Variants in INSYN2B observed in about 807,000 individuals in gnomAD.
INSYN2B encodes the protein inhibitory synaptic factor family member 2B, also known as protein INSYN2B.
In INSYN2B, 16 loss-of-function variants were observed where a neutral mutation model predicts 41.2. The observed-to-expected ratio is 0.39, with a 90% confidence interval of 0.26 to 0.59. The LOEUF (loss-of-function observed/expected upper bound fraction) is 0.59, where lower values mean the gene tolerates loss of function less well. Ranked by LOEUF, INSYN2B falls within the 20% of genes least tolerant of loss-of-function variation. The pLI is 0.57. For synonymous variants in INSYN2B, 245 were observed against 244.4 expected (o/e 1.00, Z -0.02); for missense variants, 608 against 646.4 (o/e 0.94, Z 0.64).
chr5:169,969,705 G>A (rs1229461571), intron 1 of INSYN2B, among the ~76,000 whole-genome samples: 2 of 152,080 alleles, frequency 1.3e-5, no homozygotes, highest in Non-Finnish European at 2.9e-5. Flanking sequence ...AGAACTAGGT[G>A]GGGTGACCAA....
intron 1 of INSYN2B, among the ~76,000 whole-genome samples, chr5:169,932,865 T>TAA (rs34887864): frequency 6.1e-4 from 92 of 151,140 alleles, no homozygotes; most frequent in Non-Finnish European, 1.1e-3. Context: ...CAGGGCCAAA[T>TAA]AAAAAAAAAT....
intron 1 of INSYN2B, among the ~76,000 whole-genome samples, chr5:169,927,174 C>T (rs1410443904): frequency 4.0e-5 from 6 of 149,410 alleles, no homozygotes; most frequent in Admixed American, 2.7e-4. Context: ...AGATCTCGGC[C>T]CTTTCCAGGA....
intron 1 of INSYN2B, among the ~76,000 whole-genome samples, chr5:169,919,528 C>T (rs1367012424): frequency 1.3e-5 from 2 of 152,196 alleles, no homozygotes; most frequent in Non-Finnish European, 2.9e-5. Context: ...TTTGTTTTGA[C>T]CTTAATTCTC....
chr5:169,980,450 A>G lies in INSYN2B; in HGVS notation c.-1092T>C, dbSNP rs1777900215. The G allele has an allele frequency of 6.6e-6, 1 of 152,206 alleles. No individual in the cohort carries two copies. The highest frequency in any genetic ancestry group is 1.5e-5 in the Non-Finnish European group (1 of 68,042). 9.4% of individuals were successfully genotyped at this position (152,206 alleles called of 1,614,324 possible). A position where few individuals can be genotyped will look rare whatever the true frequency, so the allele number is the denominator to read the frequency against. On this transcript the variant is annotated 5_prime_UTR_variant, in exon 1 of 4. Transcript: ENST00000377365. ...GGTCTGCTCACGTAGGAATAAATAA[A>G]AAGCCGAACAAACTGCTCGGCAGCT...
At chr5:169,867,729 AC>A (rs1208505907) in intron 3 of INSYN2B, among the ~76,000 whole-genome samples, 2 of 152,118 alleles carry the variant, frequency 1.3e-5, no homozygotes, top group Non-Finnish European at 2.9e-5. Flanking sequence ...TATAATCATA[AC>A]ATCACAGTCT....
chr5:169,899,126 T>C (rs1289252525), intron 1 of INSYN2B, among the ~76,000 whole-genome samples: 2 of 152,208 alleles, frequency 1.3e-5, no homozygotes, highest in African/African-American at 2.4e-5. Context: ...AGAAGAGATA[T>C]TAGACATGGT....
At chr5:169,939,188 G>T (rs1319841608) in intron 1 of INSYN2B, among the ~76,000 whole-genome samples, 1 of 150,584 alleles carries the variant, frequency 6.6e-6, no homozygotes, top group Non-Finnish European at 1.5e-5. Flanking sequence ...ACAGGCGTGA[G>T]CCACTGTGCC....
At chr5:169,929,130 T>C (rs1229507704) in intron 1 of INSYN2B, among the ~76,000 whole-genome samples, 3 of 152,312 alleles carry the variant, frequency 2.0e-5, no homozygotes, top group South Asian at 2.1e-4. Flanking sequence ...AGAGTGCCTA[T>C]GCAGGAAGCC....
At chr5:169,956,081 G>A (rs944844151) in intron 1 of INSYN2B, among the ~76,000 whole-genome samples, 10 of 151,914 alleles carry the variant, frequency 6.6e-5, no homozygotes, top group African/African-American at 2.4e-4. Flanking sequence ...CTGGAGTCTG[G>A]GTTATCTTCC....
At chr5:169,968,906 T>C (rs576008443) in intron 1 of INSYN2B, among the ~76,000 whole-genome samples, 1 of 152,282 alleles carries the variant, frequency 6.6e-6, no homozygotes, top group African/African-American at 2.4e-5. Context: ...TTATGCATTT[T>C]AGGAGGCCAA....
At chr5:169,962,269 G>A (rs1183959980) in intron 1 of INSYN2B, among the ~76,000 whole-genome samples, 1 of 152,148 alleles carries the variant, frequency 6.6e-6, no homozygotes, top group East Asian at 1.9e-4. Flanking sequence ...GACTGACCTG[G>A]GGTGGAGAGA....
intron 3 of INSYN2B, among the ~76,000 whole-genome samples, chr5:169,873,389 A>T (rs1772109323): frequency 6.6e-6 from 1 of 152,220 alleles, no homozygotes; most frequent in African/African-American, 2.4e-5. Flanking sequence ...TGTTTTGGAG[A>T]TGCTCGAGGG....
At chr5:169,979,348 A>G (rs1309727974) in intron 1 of INSYN2B, among the ~76,000 whole-genome samples, 1 of 152,352 alleles carries the variant, frequency 6.6e-6, no homozygotes, top group Admixed American at 6.5e-5. Context: ...GTGGATATGG[A>G]AGTAAGGTCT....
chr5:169,900,904 A>G (rs1773885841), intron 1 of INSYN2B, among the ~76,000 whole-genome samples: 1 of 152,210 alleles, frequency 6.6e-6, no homozygotes, highest in South Asian at 2.1e-4. Flanking sequence ...AGTTCACCAT[A>G]TATCTAGAAC....
intron 1 of INSYN2B, among the ~76,000 whole-genome samples, chr5:169,964,246 C>G (rs1777206892): frequency 6.6e-6 from 1 of 152,154 alleles, no homozygotes; most frequent in African/African-American, 2.4e-5. Flanking sequence ...TTTTCTTAGC[C>G]TGGAGTTCAG....
At chr5:169,895,728 A>G (rs1773558116) in intron 1 of INSYN2B, among the ~76,000 whole-genome samples, 1 of 152,068 alleles carries the variant, frequency 6.6e-6, no homozygotes, top group Non-Finnish European at 1.5e-5. Flanking sequence ...TCTTACAAAG[A>G]GTTATTCATG....
intron 1 of INSYN2B, among the ~76,000 whole-genome samples, chr5:169,924,207 G>C (rs1775321792): frequency 6.6e-6 from 1 of 152,158 alleles, no homozygotes; most frequent in African/African-American, 2.4e-5. Context: ...TTGGTACTGG[G>C]TTGAGTTACA....
At chr5:169,879,102 C>T (rs543712495) in intron 3 of INSYN2B, among the ~76,000 whole-genome samples, 3 of 152,294 alleles carry the variant, frequency 2.0e-5, no homozygotes, top group South Asian at 2.1e-4. Context: ...CTGCTGGAGC[C>T]TCTGGGAAAT....
At chr5:169,929,741 CAAAA>C (rs1211612989) in intron 1 of INSYN2B, among the ~76,000 whole-genome samples, 6 of 62,956 alleles carry the variant, frequency 9.5e-5, no homozygotes, top group Admixed American at 1.7e-4. Flanking sequence ...GACCCTGTCT[CAAAA>C]AAAAAAAAAA....
Sources: allele counts gnomAD v4.1 joint callset (sites outside exome capture counted in the v4.1 genomes callset), GRCh38; gene constraint gnomAD v4.1.1; transcripts MANE v1.5; gene names NCBI Gene and HGNC (gene_info 2026-07-23, HGNC 2026-07-21).